TACR1: variants seen among roughly 807,000 people sequenced by gnomAD.
TACR1 encodes tachykinin receptor 1.
TACR1 carries 25 observed loss-of-function variants against 35.8 expected under a neutral mutation model. The observed-to-expected ratio is 0.70, with a 90% confidence interval of 0.51 to 0.98. The LOEUF is 0.98. TACR1 is among the 50% of genes least tolerant of loss of function. The pLI is 0.00. For missense variants in TACR1, 478 were observed against 522.9 expected, an observed-to-expected ratio of 0.91 and a Z score of 0.84; for synonymous variants, 195 against 206.7, an observed-to-expected ratio of 0.94 and a Z score of 0.48.
At chr2:75,138,861 A>G (rs1558565998) in intron 1 of TACR1, among the ~76,000 whole-genome samples, 1 of 151,552 alleles carries the variant, frequency 6.6e-6, no homozygotes. Flanking sequence ...CATAAATACC[A>G]CCCCTCCTCT....
At chr2:75,097,648 T>C (rs181809435) in intron 2 of TACR1, among the ~76,000 whole-genome samples, 232 of 152,304 alleles carry the variant, frequency 1.5e-3, no homozygotes, top group African/African-American at 5.1e-3. Context: ...AGTCTTGGGG[T>C]GAGCATCTGA....
intron 1 of TACR1, among the ~76,000 whole-genome samples, chr2:75,122,817 A>G (rs1196416739): frequency 6.6e-6 from 1 of 152,192 alleles, no homozygotes; most frequent in Non-Finnish European, 1.5e-5. Context: ...GTTACCCCAA[A>G]ATGGCCACGA....
Position 75,048,031 on chromosome 2 carries a change from G to A in TACR1, c.*1401C>T, listed in dbSNP as rs1039447589. The A allele has an allele frequency of 4.6e-5, 7 of 152,306 alleles. No individual in the cohort carries two copies. The highest frequency in any genetic ancestry group is 1.7e-4 in the African/African-American group (7 of 41,558). The allele number at this position is 152,306 out of a possible 1,614,324, so 9.4% of individuals were successfully genotyped here. ...TTCTGGAAACTCTAAATCTAAATTA[G>A]GATATAAAGCATTCAGTTCATGGCT... On this transcript the variant is annotated 3_prime_UTR_variant, in exon 5 of 5. Transcript: ENST00000305249.
At chr2:75,086,372 T>A (rs182375495) in intron 2 of TACR1, among the ~76,000 whole-genome samples, 149 of 152,360 alleles carry the variant, frequency 9.8e-4, no homozygotes, top group Admixed American at 3.2e-3. Flanking sequence ...TTAAATTACT[T>A]ATCACTGAGA....
intron 1 of TACR1, among the ~76,000 whole-genome samples, chr2:75,166,030 A>G (rs1302981783): frequency 6.6e-6 from 1 of 152,266 alleles, no homozygotes; most frequent in African/African-American, 2.4e-5. Context: ...ATGCAAATGT[A>G]CATTTCCTAA....
At chr2:75,178,191 T>C (rs1451745559) in intron 1 of TACR1, among the ~76,000 whole-genome samples, 1 of 152,066 alleles carries the variant, frequency 6.6e-6, no homozygotes, top group East Asian at 1.9e-4. Flanking sequence ...TTCTCTCTTT[T>C]TTTTTTTTTG....
intron 1 of TACR1, among the ~76,000 whole-genome samples, chr2:75,198,231 T>C (rs1676039846): frequency 1.3e-5 from 2 of 151,816 alleles, no homozygotes; most frequent in African/African-American, 2.4e-5. Context: ...AGAAGGAATA[T>C]ATGGAAAGGA....
chr2:75,171,912 G>GT (rs1261595174), intron 1 of TACR1, among the ~76,000 whole-genome samples: 2 of 152,086 alleles, frequency 1.3e-5, no homozygotes, highest in Admixed American at 6.5e-5. Context: ...TTTGGACTGT[G>GT]TTTTTTTGAG....
intron 1 of TACR1, among the ~76,000 whole-genome samples, chr2:75,190,441 C>G (rs891017449): frequency 1.3e-5 from 2 of 152,160 alleles, no homozygotes; most frequent in African/African-American, 4.8e-5. Context: ...CAGTTTTAAA[C>G]TACCATCTTT....
At chr2:75,080,243 A>G (rs1043768978) in intron 2 of TACR1, among the ~76,000 whole-genome samples, 6 of 152,136 alleles carry the variant, frequency 3.9e-5, no homozygotes, top group Admixed American at 1.3e-4. Flanking sequence ...GTGCTGAGGA[A>G]GAGAAATGCA....
At chr2:75,178,760 T>G (rs1410779486) in intron 1 of TACR1, among the ~76,000 whole-genome samples, 1 of 152,198 alleles carries the variant, frequency 6.6e-6, no homozygotes, top group Non-Finnish European at 1.5e-5. Context: ...AGGTACTTCC[T>G]TCTTCCCGAA....
chr2:75,078,087 G>T (rs1432390725), intron 2 of TACR1, among the ~76,000 whole-genome samples: 1 of 152,148 alleles, frequency 6.6e-6, no homozygotes, highest in Non-Finnish European at 1.5e-5. Context: ...AAGAGTGAGG[G>T]GGTGTTCCCC....
intron 1 of TACR1, among the ~76,000 whole-genome samples, chr2:75,192,675 T>A (rs1389768827): frequency 1.3e-5 from 2 of 152,146 alleles, no homozygotes; most frequent in African/African-American, 4.8e-5. Flanking sequence ...GGCAGATGTC[T>A]AAGGCACATA....
At chr2:75,187,779 A>T (rs1675742920) in intron 1 of TACR1, 1 of 152,232 alleles carries the variant, frequency 6.6e-6, no homozygotes, top group Non-Finnish European at 1.5e-5. Context: ...GCTGGTTATA[A>T]CATTATTGGA....
intron 2 of TACR1, among the ~76,000 whole-genome samples, chr2:75,109,557 C>G (rs1483102836): frequency 1.3e-5 from 2 of 152,134 alleles, no homozygotes; most frequent in Admixed American, 1.3e-4. Context: ...CTTCAAGAAA[C>G]AGGTGGAAAT....
intron 2 of TACR1, among the ~76,000 whole-genome samples, chr2:75,100,363 T>C (rs536938450): frequency 6.6e-6 from 1 of 152,388 alleles, no homozygotes; most frequent in African/African-American, 2.4e-5. Flanking sequence ...TTAGTTTCTT[T>C]GGCATAAATT....
At position 75,121,048 on chromosome 2, in the gene TACR1, C is replaced by A. The variant is rs1427022361; in HGVS notation, c.390-280G>T. ...CATTTTCATCATTGAAATGCTTGTG[C>A]TGGGGACAGGACAGCCAAGTACAGG... On this transcript the variant is annotated intron_variant, in intron 1 of 4. Coordinates refer to ENST00000305249, the MANE Select transcript of TACR1 (RefSeq NM_001058.4). 2.0e-5 allele frequency among the ~76,000 whole-genome samples: 3 copies of A among 152,112 alleles called. No homozygotes were observed. The East Asian group carries it at 5.8e-4, about 29-fold the overall frequency.
At chr2:75,068,773 T>G (rs768601) in intron 2 of TACR1, among the ~76,000 whole-genome samples, 37,729 of 152,068 alleles carry the variant, frequency 0.25, 6,003 homozygotes, top group African/African-American at 0.42. Flanking sequence ...CCTTGAGTTG[T>G]GCAATCCACT....
intron 1 of TACR1, among the ~76,000 whole-genome samples, chr2:75,159,759 G>A (rs1674955832): frequency 6.6e-6 from 1 of 152,174 alleles, no homozygotes; most frequent in South Asian, 2.1e-4. Flanking sequence ...AAAATGTTGT[G>A]TGACTAGGAG....
Sources: allele counts gnomAD v4.1 joint callset (sites outside exome capture counted in the v4.1 genomes callset), GRCh38; gene constraint gnomAD v4.1.1; transcripts MANE v1.5; gene names NCBI Gene and HGNC (gene_info 2026-07-23, HGNC 2026-07-21).